The following TOP1 variants were observed in gnomAD, a reference collection of about 807,000 sequenced individuals.
TOP1 encodes the protein DNA topoisomerase 1.
A neutral mutation model predicts 111.1 loss-of-function variants in TOP1; 10 were observed. That is an observed-to-expected ratio of 0.09 (90% CI 0.06 to 0.15). TOP1 has a LOEUF of 0.15. TOP1 is among the 10% of genes least tolerant of loss of function. The pLI is 1.00. For missense variants in TOP1, 474 were observed against 926.7 expected (o/e 0.51, Z 6.34); for synonymous variants, 271 against 302.9 (o/e 0.89, Z 1.10).
At chr20:41,090,130 C>G (rs950968156) in intron 8 of TOP1, among the ~76,000 whole-genome samples, 1 of 151,958 alleles carries the variant, frequency 6.6e-6, no homozygotes, top group Non-Finnish European at 1.5e-5. Context: ...TGCACCACCA[C>G]GCCTGGCTAA....
chr20:41,118,339 G>A lies in TOP1; in HGVS notation c.1950+43G>A, dbSNP rs2034366883. 1 of 1,605,110 alleles carries A rather than the reference G, an allele frequency of 6.2e-7. No individual in the cohort carries two copies. The highest frequency in any genetic ancestry group is 8.5e-7 in the Non-Finnish European group (1 of 1,173,494). On this transcript the variant is annotated intron_variant, in intron 18 of 20. Transcript: ENST00000361337. This position sits in a 1 kb window ranked among gnomAD's most constrained non-coding sequence, Gnocchi z 4.6. The stretch of plus-strand genomic sequence containing the variant: ...AAGGGAACTGTGTCTGCTGTGGGCA[G>A]ATTATCTGCGAATGAGAGGATTCAG...
chr20:41,060,642 G>A (rs190222461), intron 2 of TOP1, among the ~76,000 whole-genome samples: 8 of 152,242 alleles, frequency 5.3e-5, no homozygotes, highest in Non-Finnish European at 1.0e-4. Context: ...CTTAATATTT[G>A]TAGGGGATTG....
rs2033548655 is a variant in TOP1, at chr20:41,061,815, A to G, written c.155+325A>G. On this transcript the variant is annotated intron_variant, in intron 3 of 20. Transcript: ENST00000361337. The surrounding 1 kb of genome is among the most constrained non-coding windows in gnomAD (Gnocchi z 4.6). ...TCAAGTCTGTAGCAAGCTTGCCTTGATAAAAGGTAACTGGATTGGAGACCT... is the reference window on the plus strand; with the variant it reads ...TCAAGTCTGTAGCAAGCTTGCCTTGGTAAAAGGTAACTGGATTGGAGACCT... 6.6e-6 allele frequency among the ~76,000 whole-genome samples: 1 copy of G among 152,226 alleles called. No homozygotes were observed. Among genetic ancestry groups the G allele is most frequent in the East Asian group, 1.9e-4 (1 of 5,204 alleles).
At chr20:41,062,462 C>T (rs1354110336) in intron 3 of TOP1, among the ~76,000 whole-genome samples, 1 of 152,186 alleles carries the variant, frequency 6.6e-6, no homozygotes, top group South Asian at 2.1e-4. Flanking sequence ...CCTTTTTTCC[C>T]TATCCCTCAC....
rs144631297 is a variant in TOP1, at chr20:41,038,831, T to A, written c.58+9376T>A. ...GAAAAACCTGTCTCAACAAAAAAAA[T>A]ACAAAAATTAGCCAGGTGTGTTGGT... On this transcript the variant is annotated intron_variant, in intron 2 of 20. Coordinates refer to ENST00000361337, the MANE Select transcript of TOP1 (RefSeq NM_003286.4). Among the ~76,000 whole-genome samples, 1,504 of 151,984 alleles carry A rather than the reference T, an allele frequency of 9.9e-3. 9 individuals carry two copies. The highest frequency in any genetic ancestry group is 0.016 in the Non-Finnish European group (1,089 of 67,954).
chr20:41,111,407 A>T (rs1261604383), intron 13 of TOP1, among the ~76,000 whole-genome samples: 1 of 152,018 alleles, frequency 6.6e-6, no homozygotes, highest in Admixed American at 6.6e-5. Context: ...AGTTACTGAA[A>T]CTCTTGTAGC....
intron 3 of TOP1, among the ~76,000 whole-genome samples, chr20:41,075,634 A>G (rs1177572177): frequency 1.3e-5 from 2 of 152,090 alleles, no homozygotes; most frequent in African/African-American, 4.8e-5. Context: ...TTGCTTTCAG[A>G]TGGGTCTTTT....
In TOP1 at chr20:41,101,741, CCT is replaced by C. The variant is rs1383636727; in HGVS notation, c.1308+393_1308+394del. 6.6e-6 allele frequency among the ~76,000 whole-genome samples: 1 copy of C among 152,182 alleles called. No individual in the cohort carries two copies. Among genetic ancestry groups the C allele is most frequent in the Non-Finnish European group, 1.5e-5 (1 of 68,034 alleles). On this transcript the variant is annotated intron_variant, in intron 13 of 20. Coordinates refer to ENST00000361337, the MANE Select transcript of TOP1 (RefSeq NM_003286.4). This position sits in a 1 kb window ranked among gnomAD's most constrained non-coding sequence, Gnocchi z 4.1. ...TCTGCAGATGTCTTCTACTTCCTCA[CCT>C]CTCTTGGTTATGAGAAGGGAATGTA... is the stretch of plus-strand genomic sequence containing the variant.
chr20:41,038,860 T>C (rs1207017801), intron 2 of TOP1, among the ~76,000 whole-genome samples: 1 of 152,036 alleles, frequency 6.6e-6, no homozygotes. Flanking sequence ...TGTTGGTGCA[T>C]GCCTGTAGTC....
At chr20:41,060,143 C>T (rs1319712585) in intron 2 of TOP1, among the ~76,000 whole-genome samples, 1 of 152,178 alleles carries the variant, frequency 6.6e-6, no homozygotes, top group Non-Finnish European at 1.5e-5. Flanking sequence ...TTATATTACC[C>T]AGTAACTTTT....
chr20:41,081,363 A>T, intron 7 of TOP1, 123 bp downstream of exon 7: 1 of 1,180,500 alleles, frequency 8.5e-7, no homozygotes, highest in Non-Finnish European at 1.1e-6. Flanking sequence ...TAGGGAAAAC[A>T]AATTTAATAA....
chr20:41,100,006 A>C lies in TOP1; in HGVS notation c.976-50A>C. The C allele has an allele frequency of 7.4e-7, 1 of 1,359,252 alleles. No individual in the cohort carries two copies. 84.2% of individuals were successfully genotyped at this position (1,359,252 alleles called of 1,614,324 possible). A position where few individuals can be genotyped will look rare whatever the true frequency, so the allele number is the denominator to read the frequency against. ...CCCACAAGAGATAAAATGCATTAGT[A>C]GAGAACAGCAATCTGAATCTATTTT... On this transcript the variant is annotated intron_variant, in intron 11 of 20. Transcript: ENST00000361337. This position sits in a 1 kb window ranked among gnomAD's most constrained non-coding sequence, Gnocchi z 4.4.
Position 41,121,802 on chromosome 20 carries a change from G to A in TOP1, c.2045+12G>A. 6.2e-7 allele frequency: 1 copy of A among 1,613,048 alleles called. No individual in the cohort carries two copies. Among genetic ancestry groups the A allele is most frequent in the Non-Finnish European group, 8.5e-7 (1 of 1,178,982 alleles). On this transcript the variant is annotated intron_variant, in intron 19 of 20. Coordinates refer to ENST00000361337, the MANE Select transcript of TOP1 (RefSeq NM_003286.4). The surrounding 1 kb of genome is among the most constrained non-coding windows in gnomAD (Gnocchi z 4.2). ...GCAAAGACGAAGAAGTATGTACCTG[G>A]TATTGTGAAAGTTGGGGCTGGTAGA...
chr20:41,054,042 C>A (rs1386623823), intron 2 of TOP1, among the ~76,000 whole-genome samples: 1 of 152,144 alleles, frequency 6.6e-6, no homozygotes, highest in Non-Finnish European at 1.5e-5. Context: ...GAAATCGTTA[C>A]CACCCAGAGT....
intron 3 of TOP1, chr20:41,072,873 A>C (rs1159943131): frequency 2.0e-6 from 2 of 985,246 alleles, no homozygotes; most frequent in East Asian, 2.3e-4. Context: ...AAAAATGCAA[A>C]TCTGCTCTTA....
chr20:41,061,342 A>G lies in TOP1; in HGVS notation c.59-52A>G. Reference sequence around the variant, plus strand: ...TTGACCAGCTTGTCAAGGTAGGCATACAGAAGATAGCTCATGACTCCTGTT... The same window carrying G: ...TTGACCAGCTTGTCAAGGTAGGCATGCAGAAGATAGCTCATGACTCCTGTT... On this transcript the variant is annotated intron_variant, in intron 2 of 20. Transcript: ENST00000361337. The surrounding 1 kb of genome is among the most constrained non-coding windows in gnomAD (Gnocchi z 4.6). 6.4e-7 allele frequency: 1 copy of G among 1,568,474 alleles called. No homozygotes were observed. Among genetic ancestry groups the G allele is most frequent in the Non-Finnish European group, 8.7e-7 (1 of 1,142,908 alleles).
Position 41,115,295 on chromosome 20 carries a change from T to C in TOP1, c.1639-76T>C. The C allele has an allele frequency of 9.9e-7, 1 of 1,010,350 alleles. No homozygotes were observed. The highest frequency in any genetic ancestry group is 1.5e-6 in the Non-Finnish European group (1 of 655,866). 62.6% of individuals were successfully genotyped at this position (1,010,350 alleles called of 1,614,324 possible). On this transcript the variant is annotated intron_variant, in intron 15 of 20. Coordinates refer to ENST00000361337, the MANE Select transcript of TOP1 (RefSeq NM_003286.4). This position sits in a 1 kb window ranked among gnomAD's most constrained non-coding sequence, Gnocchi z 6.3. ...CCTTGTGCCTTTTTCTTTGCAAGTT[T>C]CTTTAAGTTTGGGGTTATTTCTAAA...
At chr20:41,077,947 CATTT>C (rs1568687213) in intron 5 of TOP1, among the ~76,000 whole-genome samples, 1 of 120,752 alleles carries the variant, frequency 8.3e-6, no homozygotes, top group African/African-American at 3.5e-5. Context: ...TACAGTGTAC[CATTT>C]TTTTTTTTTT....
At chr20:41,060,871 T>C (rs796170620) in intron 2 of TOP1, among the ~76,000 whole-genome samples, 3 of 152,324 alleles carry the variant, frequency 2.0e-5, no homozygotes, top group African/African-American at 4.8e-5. Context: ...TGTATTGTTA[T>C]TACTATTTTT....
Sources: allele counts gnomAD v4.1 joint callset (sites outside exome capture counted in the v4.1 genomes callset), GRCh38; gene constraint gnomAD v4.1.1; non-coding constraint Gnocchi (gnomAD v3.1); transcripts MANE v1.5; gene names NCBI Gene and HGNC (gene_info 2026-07-23, HGNC 2026-07-21).